FRMD4A: variants seen among roughly 807,000 people sequenced by gnomAD.
FRMD4A encodes FERM domain-containing protein 4A.
Under a neutral mutation model 129.1 loss-of-function variants are expected in FRMD4A, and 29 were observed. The observed-to-expected ratio is 0.22, with a 90% confidence interval of 0.17 to 0.31. FRMD4A has a LOEUF of 0.31. Ranked by LOEUF, FRMD4A falls within the 10% of genes least tolerant of loss-of-function variation. The probability of loss-of-function intolerance (pLI) is 1.00; values close to 1 mark genes in which losing one functional copy is unlikely to be tolerated. For missense variants in FRMD4A, 1,272 were observed against 1,375.8 expected (o/e 0.92, Z 1.19); for synonymous variants, 634 against 571.6 (o/e 1.11, Z -1.56).
intron 12 of FRMD4A, among the ~76,000 whole-genome samples, chr10:13,733,917 T>C (rs1483724927): frequency 1.3e-5 from 2 of 152,176 alleles, no homozygotes; most frequent in Non-Finnish European, 2.9e-5. Context: ...CCTCCCTCTG[T>C]CCAGTCTCTG....
chr10:13,742,132 A>C (rs1023851516), intron 9 of FRMD4A, among the ~76,000 whole-genome samples: 2 of 152,106 alleles, frequency 1.3e-5, no homozygotes, highest in Admixed American at 1.3e-4. Flanking sequence ...CTGGGATTAC[A>C]GGCGTGAGCC....
rs1843490157 is a variant in FRMD4A, at chr10:14,330,848, G to C, written c.-333C>G. 1 of 398,642 alleles carries C rather than the reference G, an allele frequency of 2.5e-6. No homozygotes were observed. Among genetic ancestry groups the C allele is most frequent in the East Asian group, 3.6e-5 (1 of 28,064 alleles). 24.7% of individuals were successfully genotyped at this position (398,642 alleles called of 1,614,324 possible). On this transcript the variant is annotated 5_prime_UTR_variant, in exon 1 of 25. Transcript: ENST00000357447. ...CCCGGTAGGGCTAACATACTTAAGA[G>C]GAACATGGAATTGCACTGCCTGTTC...
At chr10:13,769,189 T>G (rs1456309915) in intron 6 of FRMD4A, among the ~76,000 whole-genome samples, 1 of 145,116 alleles carries the variant, frequency 6.9e-6, no homozygotes, top group African/African-American at 2.7e-5. Context: ...GATGGAAGAT[T>G]TTGTTTTAAA....
intron 2 of FRMD4A, among the ~76,000 whole-genome samples, chr10:14,118,864 C>A (rs963002265): frequency 6.6e-6 from 1 of 152,146 alleles, no homozygotes; most frequent in Admixed American, 6.5e-5. Flanking sequence ...GGGACCCAGC[C>A]AAACCATATC....
chr10:14,150,893 C>A (rs547560656), intron 2 of FRMD4A, among the ~76,000 whole-genome samples: 1 of 152,300 alleles, frequency 6.6e-6, no homozygotes, highest in African/African-American at 2.4e-5. Context: ...ATTTCATATT[C>A]ATTCATGGAA....
chr10:13,655,269 A>T (rs1177632273), intron 22 of FRMD4A: 1 of 152,212 alleles, frequency 6.6e-6, no homozygotes, highest in Non-Finnish European at 1.5e-5. Context: ...GATCTACCTC[A>T]TCTCTTTACA....
At chr10:13,654,387 A>C (rs1195098855) in intron 23 of FRMD4A, 29 bp downstream of exon 23, 2 of 1,380,568 alleles carry the variant, frequency 1.4e-6, no homozygotes, top group African/African-American at 2.8e-5. Flanking sequence ...TCGAGCTGAC[A>C]CAGTGAAGAA....
chr10:13,787,395 C>T (rs1019822679), intron 5 of FRMD4A, among the ~76,000 whole-genome samples: 5 of 152,142 alleles, frequency 3.3e-5, no homozygotes, highest in Non-Finnish European at 7.4e-5. Context: ...ACCGGTGGCA[C>T]CAGGGACAAG....
At chr10:13,723,659 A>G (rs1275435101) in intron 12 of FRMD4A, among the ~76,000 whole-genome samples, 2 of 152,326 alleles carry the variant, frequency 1.3e-5, no homozygotes, top group African/African-American at 4.8e-5. Flanking sequence ...CTCACCCACA[A>G]TTGAGGTATA....
intron 5 of FRMD4A, among the ~76,000 whole-genome samples, chr10:13,783,543 C>CCTGA (rs56398936): frequency 0.68 from 102,572 of 149,934 alleles, 35,342 homozygotes; most frequent in East Asian, 0.82. Context: ...TACCACCACG[C>CCTGA]CTAATTTTTT....
chr10:13,781,367 C>A (rs1319538980), intron 6 of FRMD4A, among the ~76,000 whole-genome samples: 1,171 of 116,664 alleles, frequency 0.01, 29 homozygotes, highest in African/African-American at 0.038. Flanking sequence ...CATGGATGAA[C>A]CTTTTTTTTT....
chr10:14,042,943 A>AG (rs1366279595), intron 2 of FRMD4A, among the ~76,000 whole-genome samples: 32 of 151,552 alleles, frequency 2.1e-4, no homozygotes, highest in African/African-American at 7.7e-4. Context: ...AAAAAAAAAA[A>AG]AAAAAAGAAA....
intron 2 of FRMD4A, among the ~76,000 whole-genome samples, chr10:14,036,059 A>T (rs1395819433): frequency 7.4e-6 from 1 of 135,246 alleles, no homozygotes; most frequent in African/African-American, 2.6e-5. Flanking sequence ...AAAAAAAAAA[A>T]AGTCTATAAA....
At chr10:14,322,461 C>G (rs1843099038) in intron 2 of FRMD4A, among the ~76,000 whole-genome samples, 1 of 152,202 alleles carries the variant, frequency 6.6e-6, no homozygotes, top group Admixed American at 6.5e-5. Context: ...CTTGCAGTTA[C>G]TAGGAGCTTG....
At chr10:14,054,022 T>A (rs1012108903) in intron 2 of FRMD4A, among the ~76,000 whole-genome samples, 3 of 151,782 alleles carry the variant, frequency 2.0e-5, no homozygotes, top group Non-Finnish European at 4.4e-5. Context: ...AATTTTTTTT[T>A]AAAAATTAGC....
At chr10:13,946,176 G>C (rs577591314) in intron 2 of FRMD4A, among the ~76,000 whole-genome samples, 1 of 152,204 alleles carries the variant, frequency 6.6e-6, no homozygotes, top group Non-Finnish European at 1.5e-5. Flanking sequence ...AGTGAAGTCA[G>C]AGGCACATGC....
intron 12 of FRMD4A, chr10:13,707,962 T>G: frequency 5.1e-5 from 44 of 857,082 alleles, no homozygotes; most frequent in Non-Finnish European, 6.0e-5. Context: ...ACGGGGTTCC[T>G]TTCATTGGAT....
At position 13,858,907 on chromosome 10, in the gene FRMD4A, C is replaced by A. The variant is rs754425373; in HGVS notation, c.51G>T (p.Thr17=). ...PDSALGLLMM[T]EGRRCQVHLL... ...GATGTACTTGACATCGGCGGCCCTCCGTCATCTAAGAGGGAAGAGAAATGG... is the reference window on the plus strand; with the variant it reads ...GATGTACTTGACATCGGCGGCCCTCAGTCATCTAAGAGGGAAGAGAAATGG... The change falls in exon 3 of 25, where the codon ACG becomes ACT. Residue 17 remains threonine, a synonymous_variant. Transcript: ENST00000357447. The A allele has an allele frequency of 6.3e-7, 1 of 1,591,458 alleles. No homozygotes were observed. The highest frequency in any genetic ancestry group is 8.6e-7 in the Non-Finnish European group (1 of 1,159,374).
intron 2 of FRMD4A, among the ~76,000 whole-genome samples, chr10:13,969,029 G>A (rs2095502215): frequency 6.6e-6 from 1 of 152,204 alleles, no homozygotes; most frequent in African/African-American, 2.4e-5. Flanking sequence ...GTTGGCAGTA[G>A]AAAGGAGGGC....
Sources: gnomAD v4.1 joint callset for allele counts (sites outside exome capture counted in the v4.1 genomes callset) on GRCh38, gnomAD v4.1.1 for gene constraint, MANE v1.5 for transcripts, NCBI Gene and HGNC (gene_info 2026-07-23, HGNC 2026-07-21) for gene names.